Variants in HERC3 observed in about 807,000 individuals in gnomAD.
The protein encoded by HERC3 is HECT and RLD domain containing E3 ubiquitin protein ligase 3, also known as probable E3 ubiquitin-protein ligase HERC3.
HERC3 carries 58 observed loss-of-function variants against 129.9 expected under a neutral mutation model. The observed-to-expected ratio is 0.45, with a 90% CI of 0.36 to 0.56. HERC3 has a LOEUF of 0.56. Ranked by LOEUF, HERC3 falls within the 20% of genes least tolerant of loss-of-function variation. The pLI is 0.00. For missense variants in HERC3, 835 were observed against 1,244.2 expected, an observed-to-expected ratio of 0.67 and a Z score of 4.95; for synonymous variants, 430 against 451.0, an observed-to-expected ratio of 0.95 and a Z score of 0.59.
chr4:88,614,171 A>G (rs1724657565), intron 3 of HERC3, among the ~76,000 whole-genome samples: 1 of 152,210 alleles, frequency 6.6e-6, no homozygotes, highest in Admixed American at 6.5e-5. Context: ...TTAATGATAC[A>G]TATATAAGCT....
intron 23 of HERC3, among the ~76,000 whole-genome samples, chr4:88,699,505 A>G (rs1006888109): frequency 1.4e-5 from 2 of 146,976 alleles, no homozygotes; most frequent in South Asian, 2.2e-4. Context: ...TCACTCCCAT[A>G]TATCATCTCT....
intron 21 of HERC3, among the ~76,000 whole-genome samples, chr4:88,683,704 A>G (rs1345544658): frequency 6.6e-6 from 1 of 152,198 alleles, no homozygotes; most frequent in African/African-American, 2.4e-5. Context: ...CTGGGATATG[A>G]TTGTTGTTGC....
At chr4:88,562,789 T>C in the HERC3 span, among the ~76,000 whole-genome samples, 1 of 152,252 alleles carries the variant, frequency 6.6e-6, no homozygotes, top group Non-Finnish European at 1.5e-5. Flanking sequence ...CTTGATACTT[T>C]CGTGAAGAAT....
At chr4:88,631,283 C>T (rs1235877189) in intron 3 of HERC3, among the ~76,000 whole-genome samples, 10 of 151,846 alleles carry the variant, frequency 6.6e-5, no homozygotes, top group African/African-American at 2.2e-4. Flanking sequence ...GGTGAAACCC[C>T]GCCTGTACTA....
intron 3 of HERC3, among the ~76,000 whole-genome samples, chr4:88,646,716 A>G (rs1728724904): frequency 6.6e-6 from 1 of 152,200 alleles, no homozygotes; most frequent in East Asian, 1.9e-4. Flanking sequence ...TGAATGAGGC[A>G]TTCATCAGCA....
the HERC3 span, among the ~76,000 whole-genome samples, chr4:88,574,785 A>G: frequency 2.6e-5 from 4 of 152,180 alleles, no homozygotes; most frequent in African/African-American, 9.7e-5. Flanking sequence ...CATTGTATGC[A>G]TACACCACCT....
At chr4:88,581,019 A>G in the HERC3 span, among the ~76,000 whole-genome samples, 2 of 152,224 alleles carry the variant, frequency 1.3e-5, no homozygotes, top group Non-Finnish European at 2.9e-5. Flanking sequence ...ATGATCAAAA[A>G]AGAAAGTTAA....
intron 9 of HERC3, among the ~76,000 whole-genome samples, chr4:88,657,928 A>G (rs1384926270): frequency 6.6e-6 from 1 of 152,072 alleles, no homozygotes; most frequent in Non-Finnish European, 1.5e-5. Flanking sequence ...GATGTGAAAT[A>G]GTGTGGTGTA....
chr4:88,530,666 A>G, the HERC3 span, among the ~76,000 whole-genome samples: 1 of 152,212 alleles, frequency 6.6e-6, no homozygotes, highest in Non-Finnish European at 1.5e-5. Flanking sequence ...ATACTATACT[A>G]CAGCTCAGGT....
chr4:88,653,195 G>T lies in HERC3; in HGVS notation c.685+105G>T, dbSNP rs573658658. On this transcript the variant is annotated intron_variant, in intron 6 of 25. Transcript: ENST00000402738. Reference sequence around the variant, plus strand: ...GCTAGCCCCATGTGAGATACTAAGGGAGAAGCAGTGAACACAATAGAGAAC... The same window carrying T: ...GCTAGCCCCATGTGAGATACTAAGGTAGAAGCAGTGAACACAATAGAGAAC... 14 of 1,082,596 alleles carry T rather than the reference G, an allele frequency of 1.3e-5. No homozygotes were observed. The East Asian group carries it at 3.3e-4, about 25-fold the overall frequency. The allele number at this position is 1,082,596 out of a possible 1,614,324, so 67.1% of individuals were successfully genotyped here.
chr4:88,585,822 TAC>T, the HERC3 span, among the ~76,000 whole-genome samples: 17 of 151,570 alleles, frequency 1.1e-4, no homozygotes, highest in Admixed American at 2.6e-4. Context: ...CATTGCTTTT[TAC>T]TTAACTAGAA....
chr4:88,697,827 C>CT (rs1273005761), intron 23 of HERC3: 1 of 1,502,998 alleles, frequency 6.7e-7, no homozygotes, highest in Non-Finnish European at 8.9e-7. Flanking sequence ...CCAGAGAGAT[C>CT]TTGCGGATGC....
chr4:88,550,923 G>A, the HERC3 span, among the ~76,000 whole-genome samples: 1 of 151,178 alleles, frequency 6.6e-6, no homozygotes, highest in Non-Finnish European at 1.5e-5. Flanking sequence ...CATGGTACTG[G>A]TACCAAAACA....
Position 88,687,309 on chromosome 4 carries a change from G to T in HERC3, c.2657+10G>T. 6.4e-7 allele frequency: 1 copy of T among 1,570,522 alleles called. No individual in the cohort carries two copies. ...TGTGCAAGGATAACAGGTTAGTCCT[G>T]ACCTTGGACTGTTGCAGATACTGCT... On this transcript the variant is annotated intron_variant, in intron 23 of 25. Coordinates refer to ENST00000402738, the MANE Select transcript of HERC3 (RefSeq NM_014606.3).
the HERC3 span, among the ~76,000 whole-genome samples, chr4:88,555,281 C>CAAA: frequency 0.19 from 20,824 of 110,042 alleles, 3,752 homozygotes; most frequent in African/African-American, 0.48. Context: ...GACTCCGTCT[C>CAAA]AAAAAAAAAA....
At chr4:88,657,809 G>A (rs558802335) in intron 9 of HERC3, among the ~76,000 whole-genome samples, 4 of 151,960 alleles carry the variant, frequency 2.6e-5, no homozygotes, top group Admixed American at 2.6e-4. Flanking sequence ...GGGAGTTGGT[G>A]TGAGCACCAC....
the HERC3 span, among the ~76,000 whole-genome samples, chr4:88,568,368 C>T: frequency 6.6e-6 from 1 of 152,090 alleles, no homozygotes; most frequent in Non-Finnish European, 1.5e-5. Flanking sequence ...TTCATGGTGG[C>T]AAGCTCCCCT....
At chr4:88,581,756 A>C in the HERC3 span, among the ~76,000 whole-genome samples, 1 of 152,156 alleles carries the variant, frequency 6.6e-6, no homozygotes, top group African/African-American at 2.4e-5. Context: ...CTGGCCTGAA[A>C]ATATTTCCTT....
the HERC3 span, among the ~76,000 whole-genome samples, chr4:88,528,797 T>C: frequency 6.6e-6 from 1 of 152,222 alleles, no homozygotes; most frequent in East Asian, 1.9e-4. Context: ...AGTTACTTAG[T>C]TGATAATCAC....
Sources: gnomAD v4.1 joint callset for allele counts (sites outside exome capture counted in the v4.1 genomes callset) on GRCh38, gnomAD v4.1.1 for gene constraint, MANE v1.5 for transcripts, NCBI Gene and HGNC (gene_info 2026-07-23, HGNC 2026-07-21) for gene names.